Variants in NREP observed in about 807,000 individuals in gnomAD.
NREP encodes neuronal regeneration-related protein.
A neutral mutation model predicts 8.6 loss-of-function variants in NREP; 5 were observed. The ratio of observed to expected loss-of-function variants is 0.58; its 90% CI spans 0.30 to 1.22. NREP has a LOEUF of 1.22. Ranked by LOEUF, NREP falls within the 50% of genes most tolerant of loss-of-function variation. NREP has a pLI of 0.07. For missense variants in NREP, 86 were observed against 82.5 expected (o/e 1.04, Z -0.17); for synonymous variants, 27 against 28.0 (o/e 0.96, Z 0.11).
At chr5:111,864,459 T>G (rs568551200) in intron 2 of NREP, among the ~76,000 whole-genome samples, 59 of 152,080 alleles carry the variant, frequency 3.9e-4, no homozygotes, top group Middle Eastern at 3.4e-3. Flanking sequence ...GGGCAAAAAG[T>G]AGCTATTGGG....
intron 2 of NREP, among the ~76,000 whole-genome samples, chr5:111,752,828 C>A (rs941598187): frequency 2.6e-5 from 4 of 152,238 alleles, no homozygotes; most frequent in Admixed American, 2.6e-4. Flanking sequence ...ATGTTGAAAA[C>A]CAGGACTTAA....
intron 2 of NREP, among the ~76,000 whole-genome samples, chr5:111,736,015 A>G (rs976156452): frequency 6.6e-6 from 1 of 151,634 alleles, no homozygotes; most frequent in African/African-American, 2.4e-5. Flanking sequence ...GAAACAGCCA[A>G]GTGTCTGAGG....
At chr5:111,852,590 C>T (rs766459456) in intron 2 of NREP, among the ~76,000 whole-genome samples, 4 of 152,052 alleles carry the variant, frequency 2.6e-5, no homozygotes, top group Non-Finnish European at 4.4e-5. Flanking sequence ...TATTTAAAGC[C>T]GGGAGTCCTG....
chr5:111,855,774 G>T (rs1351473988), intron 2 of NREP, among the ~76,000 whole-genome samples: 1 of 152,144 alleles, frequency 6.6e-6, no homozygotes, highest in Non-Finnish European at 1.5e-5. Context: ...ACCCCTAGGG[G>T]TTGCAGGACC....
chr5:111,814,668 A>G (rs1003468944), intron 2 of NREP, among the ~76,000 whole-genome samples: 3 of 152,172 alleles, frequency 2.0e-5, no homozygotes, highest in African/African-American at 7.2e-5. Context: ...TATTGCTGCT[A>G]AAATAAAAAA....
chr5:111,783,627 C>T (rs1751544658), intron 2 of NREP, among the ~76,000 whole-genome samples: 1 of 152,172 alleles, frequency 6.6e-6, no homozygotes, highest in Admixed American at 6.5e-5. Context: ...AAGTTTCCTA[C>T]TATTCCTAGT....
chr5:111,835,121 A>C (rs1752862455), intron 2 of NREP, among the ~76,000 whole-genome samples: 1 of 152,148 alleles, frequency 6.6e-6, no homozygotes, highest in South Asian at 2.1e-4. Flanking sequence ...CACAAACAGG[A>C]AAGTTAGTTG....
At chr5:111,885,935 C>A (rs953873346) in intron 2 of NREP, among the ~76,000 whole-genome samples, 3 of 152,072 alleles carry the variant, frequency 2.0e-5, no homozygotes, top group Admixed American at 6.5e-5. Flanking sequence ...GTCTAAAACA[C>A]CAAAAGCAAT....
At chr5:111,823,222 C>G (rs142601827) in intron 2 of NREP, among the ~76,000 whole-genome samples, 1 of 152,176 alleles carries the variant, frequency 6.6e-6, no homozygotes, top group African/African-American at 2.4e-5. Flanking sequence ...ACTGCCTCCT[C>G]CAAGGGAAGA....
chr5:111,891,320 T>C (rs1182682988), intron 2 of NREP, among the ~76,000 whole-genome samples: 1 of 152,224 alleles, frequency 6.6e-6, no homozygotes, highest in South Asian at 2.1e-4. Context: ...ATCTGAGATT[T>C]CATCAACCTG....
chr5:111,927,690 A>G (rs1471388899), intron 2 of NREP, among the ~76,000 whole-genome samples: 2 of 152,190 alleles, frequency 1.3e-5, no homozygotes, highest in South Asian at 2.1e-4. Context: ...TGTAAAATGT[A>G]GGTTCATAAG....
At chr5:111,973,009 A>C (rs42308) in intron 2 of NREP, among the ~76,000 whole-genome samples, 56,579 of 152,044 alleles carry the variant, frequency 0.37, 10,930 homozygotes, top group South Asian at 0.57. Context: ...GGTTGTGTGT[A>C]GCTGCACCAG....
At chr5:111,791,083 T>G (rs936759929) in intron 2 of NREP, among the ~76,000 whole-genome samples, 1 of 152,186 alleles carries the variant, frequency 6.6e-6, no homozygotes, top group Non-Finnish European at 1.5e-5. Context: ...CAATTGTTTA[T>G]TGCTTTTGTA....
chr5:111,758,445 A>G (rs1306941573), upstream of NREP, among the ~76,000 whole-genome samples: 1 of 152,254 alleles, frequency 6.6e-6, no homozygotes, highest in African/African-American at 2.4e-5. Flanking sequence ...TTTAAAATCT[A>G]TCTTTTCATA....
intron 2 of NREP, among the ~76,000 whole-genome samples, chr5:111,772,886 G>A (rs1028247745): frequency 1.5e-4 from 23 of 152,248 alleles, no homozygotes; most frequent in African/African-American, 5.3e-4. Context: ...ATTAGGTAAT[G>A]TTATCTTGTT....
At chr5:111,966,340 G>T (rs1756643730) in intron 2 of NREP, among the ~76,000 whole-genome samples, 1 of 152,224 alleles carries the variant, frequency 6.6e-6, no homozygotes, top group East Asian at 1.9e-4. Context: ...AAAGATACTG[G>T]CTCCAACTCA....
At chr5:111,865,156 T>G (rs72782129) in intron 2 of NREP, among the ~76,000 whole-genome samples, 3,609 of 152,222 alleles carry the variant, frequency 0.024, 82 homozygotes, top group Non-Finnish European at 0.032. Flanking sequence ...TGTTTCCTCC[T>G]TCATACCCCA....
At chr5:111,785,893 G>C (rs1248141248) in intron 2 of NREP, among the ~76,000 whole-genome samples, 5 of 152,146 alleles carry the variant, frequency 3.3e-5, no homozygotes, top group African/African-American at 1.2e-4. Flanking sequence ...CTGTAGCAAG[G>C]AGATGGATAG....
chr5:111,760,867 G>A (rs191824601), upstream of NREP, among the ~76,000 whole-genome samples: 2 of 152,308 alleles, frequency 1.3e-5, no homozygotes, highest in Admixed American at 1.3e-4. Context: ...ATGTACTTTA[G>A]ACACAGGATT....
Sources: allele counts gnomAD v4.1 joint callset (sites outside exome capture counted in the v4.1 genomes callset), GRCh38; gene constraint gnomAD v4.1.1; transcripts MANE v1.5; gene names NCBI Gene and HGNC (gene_info 2026-07-23, HGNC 2026-07-21).